The following NOP53 variants were observed in gnomAD, a reference collection of about 807,000 sequenced individuals.
The protein encoded by NOP53 is ribosome biogenesis protein NOP53.
NOP53 carries 40 observed loss-of-function variants against 61.0 expected under a neutral mutation model. The observed-to-expected ratio is 0.66, with a 90% confidence interval of 0.51 to 0.85. The LOEUF (loss-of-function observed/expected upper bound fraction) is 0.85. Ranked by LOEUF, NOP53 falls within the 40% of genes least tolerant of loss-of-function variation. The pLI, the probability that NOP53 is intolerant of heterozygous loss-of-function variation, is 0.00. For missense variants in NOP53, 689 were observed against 652.9 expected, an observed-to-expected ratio of 1.06 and a Z score of -0.60; for synonymous variants, 308 against 289.5, an observed-to-expected ratio of 1.06 and a Z score of -0.65.
intron 2 of NOP53, among the ~76,000 whole-genome samples, chr19:47,748,723 C>T (rs576849136): frequency 6.4e-4 from 97 of 152,160 alleles, no homozygotes; most frequent in African/African-American, 1.1e-3. Context: ...GGCGAAACCC[C>T]GTCTCTACTA....
At chr19:47,753,244 G>C (rs908910686) in intron 6 of NOP53, 1 of 152,486 alleles carries the variant, frequency 6.6e-6, no homozygotes, top group African/African-American at 2.4e-5. Context: ...AGGAGTTGGA[G>C]ACCAGCCTGA....
Position 47,747,012 on chromosome 19 carries a change from C to A in NOP53, c.270C>A (p.Asp90Glu), listed in dbSNP as rs980429337. Residue 90 changes from aspartate (D) to glutamate (E), a missense_variant, in exon 2 of 13, where the codon GAC (aspartate) becomes GAA (glutamate). By Grantham distance (45) the Asp-to-Glu change is conservative. Transcript: ENST00000246802. ...CAAATGAAAAACTCTTCTTCGTGGACACTGGCTCCAAGGAAAAAGGTGAGG... is the reference window on the plus strand; with the variant it reads ...CAAATGAAAAACTCTTCTTCGTGGAAACTGGCTCCAAGGAAAAAGGTGAGG... Reference protein sequence around the residue: ...EAPNEKLFFVDTGSKEKGLTK... With the variant: ...EAPNEKLFFVETGSKEKGLTK... 1 of 1,613,744 alleles carries A rather than the reference C, an allele frequency of 6.2e-7. No individual in the cohort carries two copies. Among genetic ancestry groups the A allele is most frequent in the Non-Finnish European group, 8.5e-7 (1 of 1,179,724 alleles).
intron 8 of NOP53, among the ~76,000 whole-genome samples, chr19:47,755,127 T>A (rs1555795589): frequency 6.8e-6 from 1 of 148,096 alleles, no homozygotes; most frequent in African/African-American, 2.5e-5. Flanking sequence ...AGGGGCGGGG[T>A]GGGGGGAGGT....
rs370148338 is a variant in NOP53 at position 47,754,909 on chromosome 19, C to T, written c.1053+18C>T. ...ACAGGCTGGTGAGCGCCTGGGCCAG[C>T]GGGGCCTGCCTCTGATGCCTCGCCC... On this transcript the variant is annotated intron_variant, in intron 8 of 12. Coordinates refer to ENST00000246802, the MANE Select transcript of NOP53 (RefSeq NM_015710.5). The surrounding 1 kb of genome is among the most constrained non-coding windows in gnomAD (Gnocchi z 4.2). The T allele has an allele frequency of 6.9e-5, 102 of 1,488,078 alleles. 1 individual carries two copies. Among genetic ancestry groups the T allele is most frequent in the African/African-American group, 3.7e-4 (26 of 70,020 alleles). The allele number at this position is 1,488,078 out of a possible 1,614,324, so 92.2% of individuals were successfully genotyped here. A position where few individuals can be genotyped will look rare whatever the true frequency, so the allele number is the denominator to read the frequency against.
rs1287676983 is a variant in NOP53, at chr19:47,752,543, A to C, written c.701A>C (p.Gln234Pro). The C allele has an allele frequency of 2.5e-6, 4 of 1,609,484 alleles. No homozygotes were observed. The East Asian group carries it at 8.9e-5, about 36-fold the overall frequency. ...GCACGCCTGCACACCAAGCCGTCCC[A>C]GGCACCCGCCGTGGAGGTGGCGCCT... Reference protein sequence around the residue: ...RPARLHTKPSQAPAVEVAPAG... With the variant: ...RPARLHTKPSPAPAVEVAPAG... Residue 234 changes from glutamine to proline, a missense_variant, in exon 6 of 13, where the codon CAG becomes CCG. Gln to Pro is a moderately conservative substitution (Grantham distance 76, BLOSUM62 -1). Coordinates refer to ENST00000246802, the MANE Select transcript of NOP53 (RefSeq NM_015710.5).
rs1284041430 is a variant in NOP53 at position 47,751,188 on chromosome 19, A to G, written c.598+81A>G. ...TGTGTGTTGTGCACTGCACGAGAGTACAGTGTGAAAGGGAGTGCTTTGTGG... is the reference window on the plus strand; with the variant it reads ...TGTGTGTTGTGCACTGCACGAGAGTGCAGTGTGAAAGGGAGTGCTTTGTGG... On this transcript the variant is annotated intron_variant, in intron 4 of 12. Transcript: ENST00000246802. The G allele has an allele frequency of 1.8e-5, 23 of 1,294,100 alleles. No homozygotes were observed. The East Asian group carries it at 5.0e-4, about 28-fold the overall frequency. The allele number at this position is 1,294,100 out of a possible 1,614,324, so 80.2% of individuals were successfully genotyped here.
Position 47,751,506 on chromosome 19 carries a change from C to G in NOP53, c.599-14C>G. 1 of 1,610,058 alleles carries G rather than the reference C, an allele frequency of 6.2e-7. No homozygotes were observed. Among genetic ancestry groups the G allele is most frequent in the South Asian group, 1.1e-5 (1 of 90,960 alleles). ...CTGGGACTGTCCCAGCAGCTCCCCT[C>G]GCTGTATCCACAGACCCCCTGGACA... is the stretch of plus-strand genomic sequence containing the variant. On this transcript the variant is annotated splice_polypyrimidine_tract_variant and intron_variant, in intron 4 of 12. Transcript: ENST00000246802.
rs763741683 is a variant in NOP53 at position 47,751,657 on chromosome 19, TC to T, written c.669+69del. On this transcript the variant is annotated intron_variant, in intron 5 of 12. Coordinates refer to ENST00000246802, the MANE Select transcript of NOP53 (RefSeq NM_015710.5). ...AGGAGGGCCGGGAGCTGCTCTGTGT[TC>T]CTGCAGTAGAGTCTGTCTCAGAGCC... is the stretch of plus-strand genomic sequence containing the variant. 164 of 1,193,608 alleles carry T rather than the reference TC, an allele frequency of 1.4e-4. 5 individuals carry two copies. Among genetic ancestry groups the T allele is most frequent in the South Asian group, 5.0e-4 (41 of 81,486 alleles). The allele number at this position is 1,193,608 out of a possible 1,614,324, so 73.9% of individuals were successfully genotyped here. A position where few individuals can be genotyped will look rare whatever the true frequency, so the allele number is the denominator to read the frequency against.
chr19:47,752,475 C>T (rs373684493), intron 5 of NOP53, 37 bp from the exon 6 acceptor site: 8 of 1,314,360 alleles, frequency 6.1e-6, no homozygotes, highest in African/African-American at 2.8e-5. Flanking sequence ...GCAGCCCCAA[C>T]GCACGGCCTT....
Position 47,754,556 on chromosome 19 carries a change from G to A in NOP53, c.795G>A (p.Glu265=). ...TGCTCTCAGCGGCCCACGAGGTGGA[G>A]TTGCAGCGGCAGAAGGAGGCGGAGA... ...QTLLSAAHEV[E]LQRQKEAEKL... The change falls in exon 7 of 13, where the codon GAG becomes GAA. Residue 265 remains glutamate, a synonymous_variant. Coordinates refer to ENST00000246802, the MANE Select transcript of NOP53 (RefSeq NM_015710.5). The surrounding 1 kb of genome is among the most constrained non-coding windows in gnomAD (Gnocchi z 4.2). 1 of 1,552,244 alleles carries A rather than the reference G, an allele frequency of 6.4e-7. No homozygotes were observed. The highest frequency in any genetic ancestry group is 1.2e-5 in the South Asian group (1 of 84,160).
At chr19:47,749,662 A>T (rs1268099080) in intron 2 of NOP53, among the ~76,000 whole-genome samples, 1 of 152,172 alleles carries the variant, frequency 6.6e-6, no homozygotes, top group Non-Finnish European at 1.5e-5. Flanking sequence ...ACTAGAAGTT[A>T]TGCTGAGAAG....
chr19:47,755,992 G>C, intron 10 of NOP53, 170 bp downstream of exon 10: 1 of 606,678 alleles, frequency 1.6e-6, no homozygotes, highest in Middle Eastern at 3.2e-4. Context: ...CCCAGGGTGA[G>C]GGGCCAGGCT....
rs544010328 is a variant in NOP53 at position 47,751,776 on chromosome 19, C to T, written c.669+186C>T. The stretch of plus-strand genomic sequence containing the variant: ...TGCTGACTGATCCTGGGAAGGTGGT[C>T]TCACCTTTCTGCAACCTATATCTTC... On this transcript the variant is annotated intron_variant, in intron 5 of 12. Transcript: ENST00000246802. 2.0e-5 allele frequency among the ~76,000 whole-genome samples: 3 copies of T among 152,198 alleles called. No homozygotes were observed. In the East Asian group the frequency reaches 5.8e-4, roughly 29 times the overall value.
intron 1 of NOP53, 46 bp from the exon 2 acceptor site, chr19:47,746,921 T>C: frequency 1.3e-6 from 2 of 1,524,160 alleles, no homozygotes; most frequent in Non-Finnish European, 1.8e-6. Context: ...TAAATCTCTT[T>C]CCTCTCCAAC....
At chr19:47,747,134 AT>A in intron 2 of NOP53, 103 bp downstream of exon 2, 1 of 904,044 alleles carries the variant, frequency 1.1e-6, no homozygotes, top group Non-Finnish European at 1.7e-6. Flanking sequence ...GAAGGCAAAT[AT>A]CTGCGGAAAC....
Position 47,745,723 on chromosome 19 carries a change from C to T in NOP53, c.164C>T (p.Pro55Leu), listed in dbSNP as rs756795856. The T allele has an allele frequency of 6.2e-7, 1 of 1,610,074 alleles. No individual in the cohort carries two copies. Among genetic ancestry groups the T allele is most frequent in the African/African-American group, 1.3e-5 (1 of 74,884 alleles). The change falls in exon 1 of 13, where the codon CCG (proline) becomes CTG (leucine). Residue 55 changes from proline to leucine, a missense_variant. By Grantham distance (98) the Pro-to-Leu change is moderately conservative. Coordinates refer to ENST00000246802, the MANE Select transcript of NOP53 (RefSeq NM_015710.5). Reference protein sequence around the residue: ...KRGWRRLAQEPLGLEVDQFLE... With the variant: ...KRGWRRLAQELLGLEVDQFLE... ...GGCTGGCGGCGGCTTGCTCAGGAGCCGCTGGGGCTGGAGGTTGACCAGTTC... is the reference window on the plus strand; with the variant it reads ...GGCTGGCGGCGGCTTGCTCAGGAGCTGCTGGGGCTGGAGGTTGACCAGTTC...
chr19:47,751,376 C>G (rs889164793), intron 4 of NOP53, 144 bp from the exon 5 acceptor site: 1 of 680,224 alleles, frequency 1.5e-6, no homozygotes, highest in Non-Finnish European at 2.6e-6. Context: ...TCCTGGTGAT[C>G]AAGGCCCTTG....
rs766972921 is a variant in NOP53 at position 47,750,928 on chromosome 19, C to G, written c.419C>G (p.Pro140Arg). 1.9e-6 allele frequency: 3 copies of G among 1,594,270 alleles called. No individual in the cohort carries two copies. The highest frequency in any genetic ancestry group is 2.3e-5 in the East Asian group (1 of 44,232). Residue 140 changes from proline to arginine, a missense_variant, in exon 4 of 13, where the codon CCC (proline) becomes CGC (arginine). Transcript: ENST00000246802. ...APKDVLAHQV[P>R]NAKKLRRKEQ... ...ACCAGCGTCCTCGCCCACCAGGTCC[C>G]CAACGCCAAGAAGCTCAGGCGGAAG...
chr19:47,751,419 T>C, intron 4 of NOP53, 101 bp from the exon 5 acceptor site: 2 of 909,046 alleles, frequency 2.2e-6, no homozygotes, highest in Non-Finnish European at 3.6e-6. Context: ...TTGCCTGAGC[T>C]TCAGGGTCAC....
Sources: gnomAD v4.1 joint callset for allele counts (sites outside exome capture counted in the v4.1 genomes callset) on GRCh38, gnomAD v4.1.1 for gene constraint, Gnocchi (gnomAD v3.1) non-coding constraint, MANE v1.5 for transcripts, NCBI Gene and HGNC (gene_info 2026-07-23, HGNC 2026-07-21) for gene names.